The following CELF2 variants were observed in gnomAD, a reference collection of about 807,000 sequenced individuals.
CELF2 encodes CUG triplet repeat RNA-binding protein 2.
Under a neutral mutation model 62.6 loss-of-function variants are expected in CELF2, and 8 were observed. That is an observed-to-expected ratio of 0.13 (90% CI 0.07 to 0.23). The LOEUF (loss-of-function observed/expected upper bound fraction) is 0.23. CELF2 is among the 10% of genes least tolerant of loss of function. The probability of loss-of-function intolerance (pLI) is 1.00; values close to 1 mark genes in which losing one functional copy is unlikely to be tolerated. For missense variants in CELF2, 333 were observed against 671.0 expected (o/e 0.50, Z 5.56); for synonymous variants, 258 against 250.0 (o/e 1.03, Z -0.30).
At chr10:10,469,093 T>C in the CELF2 span, among the ~76,000 whole-genome samples, 1 of 151,936 alleles carries the variant, frequency 6.6e-6, no homozygotes, top group Non-Finnish European at 1.5e-5. Context: ...AACGTTTTAG[T>C]GTCTTAATAA....
intron 4 of CELF2, among the ~76,000 whole-genome samples, chr10:11,250,229 C>T (rs976842274): frequency 6.6e-6 from 1 of 152,216 alleles, no homozygotes; most frequent in Non-Finnish European, 1.5e-5. Context: ...CAGCTTTCAG[C>T]AGAAGGCAGC....
chr10:10,560,930 A>G, the CELF2 span, among the ~76,000 whole-genome samples: 10 of 152,170 alleles, frequency 6.6e-5, no homozygotes, highest in African/African-American at 2.4e-4. Flanking sequence ...AAAACTAAAC[A>G]TCGTATGTTC....
chr10:10,758,000 G>GT, the CELF2 span, among the ~76,000 whole-genome samples: 2 of 152,182 alleles, frequency 1.3e-5, no homozygotes, highest in African/African-American at 4.8e-5. Context: ...CTGTCTACAG[G>GT]TATCACAAAT....
chr10:10,501,848 G>A, the CELF2 span, among the ~76,000 whole-genome samples: 1 of 152,168 alleles, frequency 6.6e-6, no homozygotes, highest in Non-Finnish European at 1.5e-5. Flanking sequence ...CATTGTCCTT[G>A]ATATTGGAGT....
the CELF2 span, among the ~76,000 whole-genome samples, chr10:10,616,894 C>G: frequency 6.6e-6 from 1 of 151,582 alleles, no homozygotes; most frequent in African/African-American, 2.4e-5. Context: ...GTAGCTGGGA[C>G]CACAGGCATG....
In CELF2 at chr10:11,302,422, G is replaced by C. The variant is rs1268938363; in HGVS notation, c.977-11717G>C. On this transcript the variant is annotated intron_variant, in intron 9 of 12. Coordinates refer to ENST00000633077, the MANE Select transcript of CELF2 (RefSeq NM_001326342.2). The surrounding 1 kb of genome is among the most constrained non-coding windows in gnomAD (Gnocchi z 5.0). ...AGCGGGAGTGAGGGGAGCCCCAGGT[G>C]GTGCCGATGCGGGCGAGGCTGTAAC... Among the ~76,000 whole-genome samples the C allele has an allele frequency of 6.6e-6, 1 of 152,188 alleles. No individual in the cohort carries two copies. Among genetic ancestry groups the C allele is most frequent in the Admixed American group, 6.5e-5 (1 of 15,280 alleles).
chr10:11,186,296 C>CTTTTTTT (rs57327671), intron 2 of CELF2, among the ~76,000 whole-genome samples: 65 of 115,446 alleles, frequency 5.6e-4, no homozygotes, highest in East Asian at 2.9e-3. Context: ...GGTTTTGTTG[C>CTTTTTTT]TTTTTTTTTT....
rs1019205745 is a variant in CELF2, at chr10:11,010,361, C to T, written c.53+4921C>T. On this transcript the variant is annotated intron_variant, in intron 1 of 12. Transcript: ENST00000416382. The surrounding 1 kb of genome is among the most constrained non-coding windows in gnomAD (Gnocchi z 4.1). ...AGGCCTTAGAAGTATCAGTGGAAAC[C>T]TCAGTGCTAAAAGAACAATCGAATC... is the stretch of plus-strand genomic sequence containing the variant. 6.6e-6 allele frequency among the ~76,000 whole-genome samples: 1 copy of T among 152,206 alleles called. No individual in the cohort carries two copies. Among genetic ancestry groups the T allele is most frequent in the African/African-American group, 2.4e-5 (1 of 41,452 alleles).
chr10:11,000,875 C>T (rs1444643084), upstream of CELF2, among the ~76,000 whole-genome samples: 1 of 152,208 alleles, frequency 6.6e-6, no homozygotes, highest in Admixed American at 6.5e-5. Context: ...CATTAGTCTT[C>T]GGCTTCTGTC....
the CELF2 span, among the ~76,000 whole-genome samples, chr10:10,697,512 G>A: frequency 2.2e-4 from 34 of 152,188 alleles, no homozygotes; most frequent in African/African-American, 5.8e-4. Context: ...CGCTAGACTC[G>A]GGGTCTCCTA....
intron 1 of CELF2, among the ~76,000 whole-genome samples, chr10:10,908,219 T>TTTTTTTTG (rs2063508215): frequency 8.3e-6 from 1 of 120,260 alleles, no homozygotes; most frequent in African/African-American, 3.3e-5. Flanking sequence ...AGGGGATTTT[T>TTTTTTTTG]TTTTTTTTTT....
At chr10:10,924,280 C>CAAAAAA (rs1564827054) in intron 2 of CELF2, among the ~76,000 whole-genome samples, 8 of 52,674 alleles carry the variant, frequency 1.5e-4, no homozygotes, top group African/African-American at 4.2e-4. Context: ...AGACTCCGTC[C>CAAAAAA]CAAAAAAAAA....
At chr10:10,985,192 G>A (rs2052595046) in intron 2 of CELF2, among the ~76,000 whole-genome samples, 1 of 151,860 alleles carries the variant, frequency 6.6e-6, no homozygotes, top group Non-Finnish European at 1.5e-5. Flanking sequence ...GACCTACTCG[G>A]GAATATTAAA....
At position 11,315,747 on chromosome 10, in the gene CELF2, T is replaced by G. The variant is rs1162658053; in HGVS notation, c.1096+1489T>G. ...GTTAGAACCGCCTCCAGCTTTGACT[T>G]TTCCAGCAGCCAAGTAGGAGCCTCA... On this transcript the variant is annotated intron_variant, in intron 10 of 12. Coordinates refer to ENST00000633077, the MANE Select transcript of CELF2 (RefSeq NM_001326342.2). This position sits in a 1 kb window ranked among gnomAD's most constrained non-coding sequence, Gnocchi z 5.8. Among the ~76,000 whole-genome samples the G allele has an allele frequency of 2.0e-5, 3 of 152,204 alleles. No homozygotes were observed. The highest frequency in any genetic ancestry group is 4.4e-5 in the Non-Finnish European group (3 of 68,040).
the CELF2 span, among the ~76,000 whole-genome samples, chr10:10,616,181 G>A: frequency 6.6e-6 from 1 of 152,086 alleles, no homozygotes; most frequent in African/African-American, 2.4e-5. Flanking sequence ...GTGGTTCAAT[G>A]TTCCCTAGTT....
the CELF2 span, among the ~76,000 whole-genome samples, chr10:10,643,545 T>C: frequency 1.3e-5 from 2 of 152,186 alleles, no homozygotes; most frequent in Non-Finnish European, 2.9e-5. Context: ...TATGTCCTTA[T>C]AGCAATGTGA....
chr10:10,688,353 T>C, the CELF2 span, among the ~76,000 whole-genome samples: 5 of 152,182 alleles, frequency 3.3e-5, no homozygotes, highest in African/African-American at 1.2e-4. Context: ...CTATGACATT[T>C]CCAAGATGCC....
At chr10:10,953,340 G>T (rs1028064021) in intron 2 of CELF2, among the ~76,000 whole-genome samples, 10 of 152,180 alleles carry the variant, frequency 6.6e-5, no homozygotes, top group African/African-American at 2.4e-4. Context: ...TCACTGTTCA[G>T]ATTAATATTT....
chr10:11,259,721 G>T (rs1169228705), intron 5 of CELF2, among the ~76,000 whole-genome samples: 2 of 152,158 alleles, frequency 1.3e-5, no homozygotes, highest in African/African-American at 4.8e-5. Flanking sequence ...CTTCCTAGGG[G>T]CTCAAACCAG....
Sources: gnomAD v4.1 joint callset for allele counts (sites outside exome capture counted in the v4.1 genomes callset) on GRCh38, gnomAD v4.1.1 for gene constraint, Gnocchi (gnomAD v3.1) non-coding constraint, MANE v1.5 for transcripts, NCBI Gene and HGNC (gene_info 2026-07-23, HGNC 2026-07-21) for gene names.